CX3CR1: variants seen among roughly 807,000 people sequenced by gnomAD.
CX3CR1 encodes C-X3-C motif chemokine receptor 1.
For synonymous variants in CX3CR1, 168 were observed against 178.5 expected (o/e 0.94, Z 0.47); for missense variants, 363 against 432.4 (o/e 0.84, Z 1.42).
upstream of CX3CR1, among the ~76,000 whole-genome samples, chr3:39,285,372 A>C (rs2040936852): frequency 6.6e-6 from 1 of 152,200 alleles, no homozygotes; most frequent in Non-Finnish European, 1.5e-5. Context: ...GAATGACTCC[A>C]ACTCTTAAAA....
At chr3:39,272,117 G>T (rs1031703589) in intron 1 of CX3CR1, among the ~76,000 whole-genome samples, 2 of 152,194 alleles carry the variant, frequency 1.3e-5, no homozygotes, top group African/African-American at 2.4e-5. Flanking sequence ...TATCCACAAG[G>T]GTTGTAAGAC....
At chr3:39,283,597 T>C (rs1416405289), upstream of CX3CR1, among the ~76,000 whole-genome samples, 2 of 151,018 alleles carry the variant, frequency 1.3e-5, no homozygotes, top group Non-Finnish European at 3.0e-5. Context: ...CTGGCCAAAA[T>C]GGTGAAACCC....
chr3:39,275,908 C>T (rs1021681049), intron 1 of CX3CR1, among the ~76,000 whole-genome samples: 30 of 122,932 alleles, frequency 2.4e-4, no homozygotes, highest in African/African-American at 9.1e-4. Context: ...GGAGGGTGAT[C>T]AAGAGGATAT....
chr3:39,277,506 C>T (rs1286550659), intron 1 of CX3CR1, among the ~76,000 whole-genome samples: 1 of 152,174 alleles, frequency 6.6e-6, no homozygotes. Flanking sequence ...GCAGAAGTTC[C>T]CCTCCTTGTT....
At chr3:39,282,851 A>G (rs1427363869), upstream of CX3CR1, among the ~76,000 whole-genome samples, 3 of 152,208 alleles carry the variant, frequency 2.0e-5, no homozygotes, top group Non-Finnish European at 2.9e-5. Flanking sequence ...ACATGAACTC[A>G]TGTAGTGCCC....
chr3:39,288,931 G>A, the CX3CR1 span, among the ~76,000 whole-genome samples: 723 of 152,266 alleles, frequency 4.7e-3, 3 homozygotes, highest in South Asian at 0.015. Context: ...TTGGGAGGTC[G>A]AGGCGGGCGG....
chr3:39,268,034 T>C (rs1045731567), intron 1 of CX3CR1, among the ~76,000 whole-genome samples: 1 of 152,182 alleles, frequency 6.6e-6, no homozygotes, highest in African/African-American at 2.4e-5. Context: ...ACAGCAAAGC[T>C]CACGCTTTAA....
At chr3:39,286,567 C>T (rs890566907), upstream of CX3CR1, 4 of 144,778 alleles carry the variant, frequency 2.8e-5, no homozygotes, top group African/African-American at 5.1e-5. Context: ...AGGAGAATGG[C>T]GTGAACCCGG....
chr3:39,280,043 C>T (rs1372123835), upstream of CX3CR1: 2 of 985,286 alleles, frequency 2.0e-6, no homozygotes, highest in Non-Finnish European at 1.2e-6. Flanking sequence ...TTTCCCTTTC[C>T]TTCCCTCTAA....
intron 1 of CX3CR1, among the ~76,000 whole-genome samples, chr3:39,273,139 C>T (rs2040799147): frequency 6.6e-6 from 1 of 152,260 alleles, no homozygotes; most frequent in Non-Finnish European, 1.5e-5. Flanking sequence ...GGCCACTTCT[C>T]TCGAAGTAGA....
At chr3:39,276,430 A>G (rs2040841842) in intron 1 of CX3CR1, among the ~76,000 whole-genome samples, 1 of 152,214 alleles carries the variant, frequency 6.6e-6, no homozygotes, top group African/African-American at 2.4e-5. Flanking sequence ...ACTCTTGCTC[A>G]TGGAAATACA....
chr3:39,284,553 T>C (rs1258981577), upstream of CX3CR1, among the ~76,000 whole-genome samples: 1 of 152,144 alleles, frequency 6.6e-6, no homozygotes, highest in African/African-American at 2.4e-5. Context: ...AAAAGTAGTC[T>C]CTTCAGAAAA....
rs374402103 is a variant in CX3CR1 at position 39,277,105 on chromosome 3, G to C, written c.-10+2849C>G. On this transcript the variant is annotated intron_variant, in intron 1 of 1. Coordinates refer to ENST00000399220, the MANE Select transcript of CX3CR1 (RefSeq NM_001337.4). ...CATTTTCTCCTTAAGCACACTTTAA[G>C]GGGAAAACAAAGGTGGTCTAGGAAG... Among the ~76,000 whole-genome samples, 5 of 152,184 alleles carry C rather than the reference G, an allele frequency of 3.3e-5. No homozygotes were observed. In the East Asian group the frequency reaches 9.6e-4, roughly 29 times the overall value.
intron 1 of CX3CR1, among the ~76,000 whole-genome samples, chr3:39,276,647 A>T (rs55734902): frequency 1.3e-5 from 2 of 152,234 alleles, no homozygotes; most frequent in African/African-American, 4.8e-5. Context: ...TAATGCACAC[A>T]TAGGTGGCTT....
upstream of CX3CR1, chr3:39,286,477 C>T (rs1425098145): frequency 6.6e-6 from 1 of 151,066 alleles, no homozygotes; most frequent in Non-Finnish European, 1.5e-5. Flanking sequence ...GGTGAAACCC[C>T]GTCTCTACTA....
At chr3:39,290,530 G>A in the CX3CR1 span, among the ~76,000 whole-genome samples, 23 of 152,298 alleles carry the variant, frequency 1.5e-4, no homozygotes, top group South Asian at 2.3e-3. Context: ...AAAATCTCGG[G>A]ACCTTCATTC....
chr3:39,285,416 G>A (rs2040937028), upstream of CX3CR1, among the ~76,000 whole-genome samples: 1 of 151,950 alleles, frequency 6.6e-6, no homozygotes, highest in Non-Finnish European at 1.5e-5. Context: ...TTGGAGAGGA[G>A]TAAATGTAGA....
upstream of CX3CR1, chr3:39,286,023 T>C (rs1208240133): frequency 6.6e-6 from 1 of 152,228 alleles, no homozygotes; most frequent in Non-Finnish European, 1.5e-5. Context: ...CATGAGTCTG[T>C]ATCATTGGCC....
chr3:39,283,804 TATA>T (rs2040926393), upstream of CX3CR1, among the ~76,000 whole-genome samples: 1 of 46,102 alleles, frequency 2.2e-5, no homozygotes, highest in African/African-American at 1.2e-4. Flanking sequence ...ATTATATATA[TATA>T]TATATATATA....
Sources: gnomAD v4.1 joint callset for allele counts (sites outside exome capture counted in the v4.1 genomes callset) on GRCh38, gnomAD v4.1.1 for gene constraint, MANE v1.5 for transcripts, NCBI Gene and HGNC (gene_info 2026-07-23, HGNC 2026-07-21) for gene names.